PTPRD: variants seen among roughly 807,000 people sequenced by gnomAD.
PTPRD encodes receptor-type tyrosine-protein phosphatase delta.
PTPRD carries 34 observed loss-of-function variants against 214.5 expected under a neutral mutation model. The ratio of observed to expected loss-of-function variants is 0.16; its 90% CI spans 0.12 to 0.21. The LOEUF (loss-of-function observed/expected upper bound fraction) is 0.21. Ranked by LOEUF, PTPRD falls within the 10% of genes least tolerant of loss-of-function variation. PTPRD has a pLI of 1.00. For synonymous variants in PTPRD, 1,128 were observed against 845.7 expected, an observed-to-expected ratio of 1.33 and a Z score of -5.79; for missense variants, 2,545 against 2,398.7, an observed-to-expected ratio of 1.06 and a Z score of -1.27.
intron 9 of PTPRD, among the ~76,000 whole-genome samples, chr9:9,264,374 T>C (rs2132325376): frequency 6.6e-6 from 1 of 151,734 alleles, no homozygotes; most frequent in Non-Finnish European, 1.5e-5. Context: ...TGCTGAAGAA[T>C]ACCAGGATTG....
intron 2 of PTPRD, among the ~76,000 whole-genome samples, chr9:10,456,484 A>G (rs1357873187): frequency 1.3e-5 from 2 of 151,958 alleles, no homozygotes; most frequent in Non-Finnish European, 2.9e-5. Context: ...CATTAAATCC[A>G]GAGATTAGGA....
intron 11 of PTPRD, among the ~76,000 whole-genome samples, chr9:8,803,018 T>C (rs1021868235): frequency 2.6e-5 from 4 of 152,130 alleles, no homozygotes; most frequent in Non-Finnish European, 4.4e-5. Context: ...AACAGCACCA[T>C]TGTACTCCGG....
At chr9:8,399,825 C>G (rs552144911) in intron 36 of PTPRD, among the ~76,000 whole-genome samples, 40 of 152,248 alleles carry the variant, frequency 2.6e-4, no homozygotes, top group African/African-American at 9.4e-4. Flanking sequence ...GGAAGAACAG[C>G]TGCCTTGAGA....
intron 2 of PTPRD, among the ~76,000 whole-genome samples, chr9:10,416,116 G>A (rs1329354960): frequency 6.6e-6 from 1 of 151,762 alleles, no homozygotes; most frequent in Non-Finnish European, 1.5e-5. Flanking sequence ...GAGAGGCCGA[G>A]GCGGGCGGAT....
chr9:8,602,725 C>T (rs1408038565), intron 14 of PTPRD, among the ~76,000 whole-genome samples: 1 of 152,128 alleles, frequency 6.6e-6, no homozygotes, highest in African/African-American at 2.4e-5. Flanking sequence ...GAGTCAGCAC[C>T]ATGCCCAAAC....
chr9:10,258,211 T>C (rs546244714), intron 3 of PTPRD, among the ~76,000 whole-genome samples: 1 of 152,332 alleles, frequency 6.6e-6, no homozygotes, highest in East Asian at 1.9e-4. Flanking sequence ...CTGGGTAGAA[T>C]TCAAACATTA....
intron 5 of PTPRD, among the ~76,000 whole-genome samples, chr9:9,805,409 A>C (rs562868791): frequency 1.3e-5 from 2 of 152,292 alleles, no homozygotes; most frequent in Admixed American, 6.5e-5. Flanking sequence ...GAAAAGAGGA[A>C]GAGTTCAAAC....
At chr9:9,603,684 T>A (rs1028760092) in intron 7 of PTPRD, among the ~76,000 whole-genome samples, 4 of 152,116 alleles carry the variant, frequency 2.6e-5, no homozygotes, top group Non-Finnish European at 5.9e-5. Context: ...GCCTGATGAT[T>A]TGAGGTGGAA....
chr9:9,998,270 A>T (rs1158457007), intron 4 of PTPRD, among the ~76,000 whole-genome samples: 3 of 151,296 alleles, frequency 2.0e-5, no homozygotes, highest in Non-Finnish European at 2.9e-5. Flanking sequence ...GTGGAGTCTC[A>T]CAGATGGTCC....
chr9:9,847,733 C>T (rs1270731721), intron 5 of PTPRD, among the ~76,000 whole-genome samples: 1 of 152,032 alleles, frequency 6.6e-6, no homozygotes, highest in Admixed American at 6.6e-5. Context: ...TTATCCCAGA[C>T]TTACCAGAAC....
chr9:8,830,288 T>C (rs2154529389), intron 11 of PTPRD, among the ~76,000 whole-genome samples: 1 of 152,278 alleles, frequency 6.6e-6, no homozygotes, highest in East Asian at 1.9e-4. Context: ...TTTACCCCTT[T>C]TCTACAGCTT....
intron 8 of PTPRD, among the ~76,000 whole-genome samples, chr9:9,503,000 C>T (rs528279459): frequency 1.3e-5 from 2 of 151,842 alleles, no homozygotes; most frequent in African/African-American, 4.8e-5. Flanking sequence ...GGTGGGCAGA[C>T]TACACAGGTT....
chr9:9,268,638 G>C (rs1465456466), intron 9 of PTPRD, among the ~76,000 whole-genome samples: 1 of 150,816 alleles, frequency 6.6e-6, no homozygotes, highest in African/African-American at 2.4e-5. Context: ...AGCAATCAAA[G>C]CACTATAATA....
intron 5 of PTPRD, among the ~76,000 whole-genome samples, chr9:9,813,350 TGA>T (rs1478190785): frequency 2.7e-5 from 4 of 149,776 alleles, no homozygotes; most frequent in East Asian, 2.0e-4. Flanking sequence ...TCAACAAAAC[TGA>T]GAGTTTCTAA....
intron 3 of PTPRD, among the ~76,000 whole-genome samples, chr9:10,248,519 A>T (rs566962885): frequency 5.6e-5 from 8 of 143,276 alleles, no homozygotes; most frequent in South Asian, 2.2e-4. Flanking sequence ...AGCAAAAAAA[A>T]AAAAAAATAA....
At chr9:9,307,512 C>A (rs1421957468) in intron 9 of PTPRD, among the ~76,000 whole-genome samples, 1 of 152,106 alleles carries the variant, frequency 6.6e-6, no homozygotes, top group Admixed American at 6.6e-5. Flanking sequence ...ATCTCTCATC[C>A]CTAACATCCA....
At chr9:10,120,103 A>T (rs568720030) in intron 3 of PTPRD, among the ~76,000 whole-genome samples, 6 of 152,036 alleles carry the variant, frequency 3.9e-5, no homozygotes, top group Non-Finnish European at 8.8e-5. Flanking sequence ...ATGCTGCATA[A>T]GAAAACAAAA....
chr9:10,366,416 C>A, intron 2 of PTPRD, among the ~76,000 whole-genome samples: 1 of 152,170 alleles, frequency 6.6e-6, no homozygotes, highest in Non-Finnish European at 1.5e-5. Context: ...CTATAACTCA[C>A]ATTGCTGGAG....
chr9:8,589,508 C>G (rs1304687617), intron 14 of PTPRD, among the ~76,000 whole-genome samples: 1 of 152,160 alleles, frequency 6.6e-6, no homozygotes, highest in Non-Finnish European at 1.5e-5. Context: ...ACCTTCCAAC[C>G]TAATTCTAAT....
Sources: gnomAD v4.1 joint callset for allele counts (sites outside exome capture counted in the v4.1 genomes callset) on GRCh38, gnomAD v4.1.1 for gene constraint, MANE v1.5 for transcripts, NCBI Gene and HGNC (gene_info 2026-07-23, HGNC 2026-07-21) for gene names.